FER: variants seen among roughly 807,000 people sequenced by gnomAD.
FER encodes tyrosine-protein kinase Fer.
In FER, 63 loss-of-function variants were observed where a neutral mutation model predicts 111.0. The ratio of observed to expected loss-of-function variants is 0.57; its 90% confidence interval spans 0.46 to 0.70. FER has a LOEUF of 0.70. Among genes scored for constraint, FER ranks in the 30% least tolerant of loss-of-function variants. The pLI, the probability that FER is intolerant of heterozygous loss-of-function variation, is 0.00. For synonymous variants in FER, 327 were observed against 313.9 expected, an observed-to-expected ratio of 1.04 and a Z score of -0.44; for missense variants, 914 against 954.0, an observed-to-expected ratio of 0.96 and a Z score of 0.55.
chr5:109,089,036 C>G (rs1482542533), intron 16 of FER, among the ~76,000 whole-genome samples: 3 of 152,152 alleles, frequency 2.0e-5, no homozygotes, highest in Non-Finnish European at 4.4e-5. Flanking sequence ...ATAATATAAT[C>G]CCTAAAGAGT....
chr5:109,161,862 T>C (rs971196355), intron 17 of FER, among the ~76,000 whole-genome samples: 1 of 151,970 alleles, frequency 6.6e-6, no homozygotes, highest in African/African-American at 2.4e-5. Context: ...TCCACAATTA[T>C]TGAACTATTT....
intron 3 of FER, among the ~76,000 whole-genome samples, chr5:108,827,445 CCATTT>C (rs970079578): frequency 6.6e-6 from 1 of 152,048 alleles, no homozygotes; most frequent in Admixed American, 6.6e-5. Flanking sequence ...AAAATAGTAC[CCATTT>C]CTTCCATTCT....
chr5:109,031,399 C>T (rs1225517242), intron 13 of FER, among the ~76,000 whole-genome samples: 1 of 152,128 alleles, frequency 6.6e-6, no homozygotes, highest in Non-Finnish European at 1.5e-5. Flanking sequence ...GCTTCTAGAA[C>T]TTGTCCAATG....
At chr5:108,856,847 TA>T (rs1763059426) in intron 5 of FER, among the ~76,000 whole-genome samples, 1 of 152,132 alleles carries the variant, frequency 6.6e-6, no homozygotes, top group South Asian at 2.1e-4. Flanking sequence ...AAATTAAAAC[TA>T]AATTTTCTTT....
chr5:109,087,133 A>G, intron 16 of FER, among the ~76,000 whole-genome samples: 1 of 151,578 alleles, frequency 6.6e-6, no homozygotes, highest in South Asian at 2.1e-4. Context: ...ATTTCAGCCC[A>G]TAACATATTT....
rs1009951218 is a variant in FER, at chr5:109,080,683, G to C, written c.1925-19713G>C. ...TGGATATGGACTTGGGCCAAAAACA[G>C]TGACAGTAAAGTTTAAATGATAGGA... On this transcript the variant is annotated intron_variant, in intron 16 of 19. Transcript: ENST00000281092. Among the ~76,000 whole-genome samples the C allele has an allele frequency of 3.7e-4, 56 of 152,166 alleles. 1 individual carries two copies. Among genetic ancestry groups the C allele is most frequent in the African/African-American group, 1.3e-3 (56 of 41,534 alleles).
intron 10 of FER, chr5:108,924,592 C>A: frequency 8.1e-7 from 1 of 1,229,972 alleles, no homozygotes; most frequent in Non-Finnish European, 1.0e-6. Context: ...TTTTGCCTCA[C>A]ACAGGAAGGT....
chr5:109,012,234 A>G (rs1352137098), intron 13 of FER, among the ~76,000 whole-genome samples: 1 of 152,256 alleles, frequency 6.6e-6, no homozygotes. Flanking sequence ...AAATTTAGTA[A>G]AGATCATGAT....
intron 10 of FER, among the ~76,000 whole-genome samples, chr5:108,902,552 A>G (rs190192963): frequency 6.6e-6 from 1 of 152,182 alleles, no homozygotes. Context: ...GAAATAGTAT[A>G]TGGGATGCAG....
Position 109,140,494 on chromosome 5 carries a change from G to A in FER, c.2048+39975G>A, listed in dbSNP as rs142157659. Among the ~76,000 whole-genome samples, 621 of 152,124 alleles carry A rather than the reference G, an allele frequency of 4.1e-3. 15 individuals are homozygous for A. Among genetic ancestry groups the A allele is most frequent in the Admixed American group, 0.032 (491 of 15,272 alleles). Reference sequence around the variant, plus strand: ...CCCGTGAAATAGAAAAACAAAATTAGGAAAGACCTATGTAGCTAGAAAATG... The same window carrying A: ...CCCGTGAAATAGAAAAACAAAATTAAGAAAGACCTATGTAGCTAGAAAATG... On this transcript the variant is annotated intron_variant, in intron 17 of 19. Transcript: ENST00000281092.
At chr5:108,867,549 T>C (rs994597649) in intron 5 of FER, among the ~76,000 whole-genome samples, 1 of 145,064 alleles carries the variant, frequency 6.9e-6, no homozygotes, top group African/African-American at 2.6e-5. Flanking sequence ...CACCATTTAG[T>C]ATCCTACATG....
chr5:108,839,201 A>G (rs1760981356), intron 5 of FER, among the ~76,000 whole-genome samples: 1 of 152,222 alleles, frequency 6.6e-6, no homozygotes. Context: ...AAAAATGCAA[A>G]TGCCTCTAAA....
At chr5:109,036,389 G>A (rs1275852441) in intron 13 of FER, among the ~76,000 whole-genome samples, 2 of 151,962 alleles carry the variant, frequency 1.3e-5, no homozygotes, top group African/African-American at 2.4e-5. Flanking sequence ...TTGCCACATG[G>A]TATTTCAGAA....
chr5:108,951,742 G>T (rs113092429), intron 11 of FER, among the ~76,000 whole-genome samples: 1 of 151,884 alleles, frequency 6.6e-6, no homozygotes, highest in Non-Finnish European at 1.5e-5. Context: ...TTTCAAAATG[G>T]TTTATTGTGT....
intron 19 of FER, among the ~76,000 whole-genome samples, 170 bp from the exon 20 acceptor site, chr5:109,187,263 T>C (rs1350894090): frequency 6.6e-6 from 1 of 152,222 alleles, no homozygotes; most frequent in Non-Finnish European, 1.5e-5. Context: ...AATATTGAAT[T>C]CTGCATCACC....
chr5:108,849,988 A>C (rs1267843126), intron 5 of FER, among the ~76,000 whole-genome samples: 1 of 152,108 alleles, frequency 6.6e-6, no homozygotes. Flanking sequence ...TCAAGAGATC[A>C]AGACCAGCCT....
chr5:108,889,511 C>T (rs1747692856), intron 9 of FER, among the ~76,000 whole-genome samples: 1 of 151,822 alleles, frequency 6.6e-6, no homozygotes, highest in African/African-American at 2.4e-5. Context: ...CATTTGAACT[C>T]CTGGAGATAG....
chr5:108,885,716 A>AT (rs1211910747), intron 9 of FER, among the ~76,000 whole-genome samples: 1 of 151,750 alleles, frequency 6.6e-6, no homozygotes, highest in Non-Finnish European at 1.5e-5. Flanking sequence ...CCACCTCCTA[A>AT]TACCATTGTA....
chr5:109,161,103 A>G (rs1447282244), intron 17 of FER, among the ~76,000 whole-genome samples: 1 of 152,170 alleles, frequency 6.6e-6, no homozygotes, highest in Non-Finnish European at 1.5e-5. Context: ...AATAGGAGCA[A>G]TGGCTTAAAG....
Sources: allele counts gnomAD v4.1 joint callset (sites outside exome capture counted in the v4.1 genomes callset), GRCh38; gene constraint gnomAD v4.1.1; transcripts MANE v1.5; gene names NCBI Gene and HGNC (gene_info 2026-07-23, HGNC 2026-07-21).